AUH: variants seen among roughly 807,000 people sequenced by gnomAD.
The protein encoded by AUH is AU RNA binding methylglutaconyl-CoA hydratase, also known as methylglutaconyl-CoA hydratase, mitochondrial.
In AUH, 29 loss-of-function variants were observed where a neutral mutation model predicts 42.3. The ratio of observed to expected loss-of-function variants is 0.69; its 90% CI spans 0.51 to 0.93. AUH has a LOEUF of 0.93. AUH is among the 40% of genes least tolerant of loss of function. The pLI is 0.00. For missense variants in AUH, 452 were observed against 438.1 expected (o/e 1.03, Z -0.28); for synonymous variants, 174 against 166.4 (o/e 1.05, Z -0.35).
chr9:91,308,703 C>T (rs1446594450), intron 4 of AUH, among the ~76,000 whole-genome samples: 1 of 151,842 alleles, frequency 6.6e-6, no homozygotes, highest in Non-Finnish European at 1.5e-5. Context: ...AAAAAAGACA[C>T]AGTGAACATA....
At chr9:91,318,998 T>TTTC (rs1179955630) in intron 4 of AUH, among the ~76,000 whole-genome samples, 1 of 152,266 alleles carries the variant, frequency 6.6e-6, no homozygotes, top group Non-Finnish European at 1.5e-5. Flanking sequence ...CAGCCCATGA[T>TTTC]TTCTTCTTGA....
chr9:91,273,706 G>C (rs1465616186), intron 6 of AUH, among the ~76,000 whole-genome samples: 2 of 152,112 alleles, frequency 1.3e-5, no homozygotes, highest in African/African-American at 4.8e-5. Flanking sequence ...ACATTCATGA[G>C]GCAAATCAGT....
intron 6 of AUH, among the ~76,000 whole-genome samples, chr9:91,244,206 T>C (rs555494663): frequency 1.4e-4 from 21 of 152,244 alleles, no homozygotes; most frequent in Non-Finnish European, 2.4e-4. Flanking sequence ...AAAATGAATG[T>C]ATTCACCAAC....
chr9:91,266,426 C>A (rs944008506), intron 6 of AUH, among the ~76,000 whole-genome samples: 1 of 151,766 alleles, frequency 6.6e-6, no homozygotes, highest in African/African-American at 2.4e-5. Flanking sequence ...CAATCACACA[C>A]AAAAGTAGGG....
chr9:91,240,418 C>T (rs1877125), intron 6 of AUH, among the ~76,000 whole-genome samples: 35,801 of 152,018 alleles, frequency 0.24, 4,620 homozygotes, highest in East Asian at 0.38. Flanking sequence ...GCACATGACT[C>T]AAGTCAGACC....
At chr9:91,218,877 G>A (rs950239441) in intron 7 of AUH, 6 of 985,388 alleles carry the variant, frequency 6.1e-6, no homozygotes, top group Non-Finnish European at 7.2e-6. Context: ...TTGGTGACTC[G>A]TGCATGTAAT....
intron 3 of AUH, among the ~76,000 whole-genome samples, chr9:91,352,158 C>A (rs940502460): frequency 6.6e-6 from 1 of 152,004 alleles, no homozygotes. Context: ...CACCTGTATC[C>A]CAGCTACTCA....
At chr9:91,225,207 C>A (rs1827368740) in intron 6 of AUH, among the ~76,000 whole-genome samples, 1 of 152,182 alleles carries the variant, frequency 6.6e-6, no homozygotes, top group African/African-American at 2.4e-5. Flanking sequence ...GTGCCAAAAT[C>A]TTGGTGCAAT....
At chr9:91,338,711 T>A (rs1450230982) in intron 3 of AUH, among the ~76,000 whole-genome samples, 2 of 152,198 alleles carry the variant, frequency 1.3e-5, no homozygotes, top group Non-Finnish European at 1.5e-5. Flanking sequence ...GAAGAGGTAT[T>A]GTTAACTGCA....
At chr9:91,282,064 C>T (rs1450988253) in intron 6 of AUH, among the ~76,000 whole-genome samples, 1 of 152,088 alleles carries the variant, frequency 6.6e-6, no homozygotes, top group Non-Finnish European at 1.5e-5. Context: ...GATCTGACTC[C>T]CCTATTGCTT....
At chr9:91,348,522 C>T (rs566403695) in intron 3 of AUH, among the ~76,000 whole-genome samples, 1 of 152,142 alleles carries the variant, frequency 6.6e-6, no homozygotes, top group Admixed American at 6.5e-5. Flanking sequence ...ATAAACAAAC[C>T]GTGAAACAGT....
At chr9:91,333,497 A>AT (rs1416320163) in intron 3 of AUH, among the ~76,000 whole-genome samples, 1 of 152,220 alleles carries the variant, frequency 6.6e-6, no homozygotes, top group Non-Finnish European at 1.5e-5. Flanking sequence ...TTCAAATTTG[A>AT]TAACTATTAA....
At chr9:91,263,045 T>C (rs2131454686) in intron 6 of AUH, among the ~76,000 whole-genome samples, 1 of 152,310 alleles carries the variant, frequency 6.6e-6, no homozygotes, top group East Asian at 1.9e-4. Flanking sequence ...CTCCACATGT[T>C]CTCCCCAGGT....
intron 4 of AUH, among the ~76,000 whole-genome samples, chr9:91,317,855 C>T (rs1484485748): frequency 6.6e-6 from 1 of 152,224 alleles, no homozygotes; most frequent in Admixed American, 6.5e-5. Context: ...TTCTCAAATG[C>T]TTTTTCCTCA....
At chr9:91,283,438 C>T (rs1826137725) in intron 6 of AUH, among the ~76,000 whole-genome samples, 2 of 152,102 alleles carry the variant, frequency 1.3e-5, no homozygotes, top group South Asian at 2.1e-4. Flanking sequence ...TCCTATTCAA[C>T]ATAGTGTTGG....
intron 6 of AUH, among the ~76,000 whole-genome samples, chr9:91,294,195 A>G (rs568009328): frequency 6.6e-6 from 1 of 152,358 alleles, no homozygotes; most frequent in South Asian, 2.1e-4. Flanking sequence ...TTCATGCCTG[A>G]TAACATAACA....
chr9:91,260,400 C>G (rs1564039342), intron 6 of AUH, among the ~76,000 whole-genome samples: 1 of 151,990 alleles, frequency 6.6e-6, no homozygotes, highest in East Asian at 1.9e-4. Flanking sequence ...GTTACTTGCT[C>G]TTCTTTCTTT....
intron 4 of AUH, among the ~76,000 whole-genome samples, chr9:91,309,254 A>G (rs1828512513): frequency 6.6e-6 from 1 of 151,830 alleles, no homozygotes; most frequent in African/African-American, 2.4e-5. Flanking sequence ...ACCTCCCACC[A>G]GGCCCCACCT....
intron 6 of AUH, among the ~76,000 whole-genome samples, chr9:91,231,292 G>A (rs1827864966): frequency 6.6e-6 from 1 of 152,226 alleles, no homozygotes; most frequent in Non-Finnish European, 1.5e-5. Context: ...GCAGTATTCG[G>A]GTCGGGTGGG....
Sources: allele counts gnomAD v4.1 joint callset (sites outside exome capture counted in the v4.1 genomes callset), GRCh38; gene constraint gnomAD v4.1.1; transcripts MANE v1.5; gene names NCBI Gene and HGNC (gene_info 2026-07-23, HGNC 2026-07-21).